Variants in COG5 observed in about 807,000 individuals in gnomAD.
The protein encoded by COG5 is conserved oligomeric Golgi complex subunit 5.
Under a neutral mutation model 110.4 loss-of-function variants are expected in COG5, and 86 were observed. The ratio of observed to expected loss-of-function variants is 0.78; its 90% CI spans 0.65 to 0.93. The LOEUF (loss-of-function observed/expected upper bound fraction) is 0.93. COG5 is among the 40% of genes least tolerant of loss of function. COG5 has a pLI of 0.00. For missense variants in COG5, 1,077 were observed against 987.0 expected (o/e 1.09, Z -1.22); for synonymous variants, 360 against 334.6 (o/e 1.08, Z -0.83).
intron 11 of COG5, among the ~76,000 whole-genome samples, chr7:107,303,062 T>G (rs1807407581): frequency 6.6e-6 from 1 of 152,144 alleles, no homozygotes; most frequent in Admixed American, 6.6e-5. Flanking sequence ...CAGAAGTAAA[T>G]ATTTCTTAAA....
intron 19 of COG5, 142 bp from the exon 20 acceptor site, chr7:107,211,367 AGCCTTGAGAC>A: frequency 1.1e-6 from 1 of 909,208 alleles, no homozygotes; most frequent in Non-Finnish European, 1.7e-6. Context: ...CACTCTATTC[AGCCTTGAGAC>A]GCCCACAAGC....
intron 6 of COG5, among the ~76,000 whole-genome samples, chr7:107,425,239 T>C (rs1369084572): frequency 6.6e-6 from 1 of 151,254 alleles, no homozygotes. Flanking sequence ...AATCCACTGA[T>C]AGAAGCCCTT....
intron 6 of COG5, among the ~76,000 whole-genome samples, chr7:107,523,090 C>G (rs1800452861): frequency 6.6e-6 from 1 of 152,166 alleles, no homozygotes; most frequent in African/African-American, 2.4e-5. Flanking sequence ...ATTCATAGAT[C>G]AAGTTGGGAA....
chr7:107,208,222 G>A (rs1483565190), intron 21 of COG5: 1 of 985,318 alleles, frequency 1.0e-6, no homozygotes, highest in Non-Finnish European at 1.2e-6. Context: ...TGAAGGTTCT[G>A]GAATCAGCCA....
chr7:107,353,419 C>T (rs1179205941), intron 10 of COG5, among the ~76,000 whole-genome samples: 49 of 115,826 alleles, frequency 4.2e-4, no homozygotes, highest in Admixed American at 3.9e-3. Context: ...AGCGAGACTC[C>T]GTCTCAAAAA....
At chr7:107,321,754 T>C (rs1809311446) in intron 11 of COG5, among the ~76,000 whole-genome samples, 1 of 152,192 alleles carries the variant, frequency 6.6e-6, no homozygotes, top group Admixed American at 6.5e-5. Context: ...AACTCAAACC[T>C]AGTAAAACTT....
chr7:107,506,865 T>C (rs558818366), intron 6 of COG5, among the ~76,000 whole-genome samples: 1 of 152,308 alleles, frequency 6.6e-6, no homozygotes, highest in Non-Finnish European at 1.5e-5. Flanking sequence ...TTCGAGGTTA[T>C]CATGAAATTC....
chr7:107,459,305 T>C (rs368381754), intron 6 of COG5, among the ~76,000 whole-genome samples: 1 of 152,128 alleles, frequency 6.6e-6, no homozygotes, highest in South Asian at 2.1e-4. Context: ...ATAGCTTTAC[T>C]GACAGGAGAA....
intron 11 of COG5, among the ~76,000 whole-genome samples, chr7:107,299,946 C>G (rs887712959): frequency 4.7e-5 from 7 of 149,028 alleles, no homozygotes; most frequent in Non-Finnish European, 1.0e-4. Context: ...TTCTTTAACT[C>G]CTAGGCTCAA....
chr7:107,252,247 C>G (rs999538665), intron 16 of COG5, among the ~76,000 whole-genome samples: 2 of 152,026 alleles, frequency 1.3e-5, no homozygotes, highest in African/African-American at 4.8e-5. Flanking sequence ...AAACCAACCA[C>G]AAAAGGATAG....
rs1805372246 is a variant in COG5, at chr7:107,283,661, A to G, written c.1385T>C (p.Leu462Pro). The G allele has an allele frequency of 6.2e-7, 1 of 1,613,774 alleles. No homozygotes were observed. The highest frequency in any genetic ancestry group is 1.7e-5 in the Admixed American group (1 of 59,996). ...AAYLSKSLSR[L>P]FDPINLVFPP... ...AAAAACCAAGTTGATAGGATCGAAG[A>G]GTCGAGATAAGGATTTTGATAGATA... is the stretch of plus-strand genomic sequence containing the variant. The change falls in exon 13 of 22, where the codon CTC becomes CCC. Residue 462 changes from leucine to proline, a missense_variant. By Grantham distance (98) the Leu-to-Pro change is moderately conservative. Transcript: ENST00000297135.
chr7:107,436,157 G>C (rs1212643661), intron 6 of COG5, among the ~76,000 whole-genome samples: 1 of 152,144 alleles, frequency 6.6e-6, no homozygotes. Context: ...GGAGAGGGAA[G>C]GATGAAGACA....
intron 21 of COG5, among the ~76,000 whole-genome samples, chr7:107,205,428 T>C (rs1215540145): frequency 6.6e-6 from 1 of 152,200 alleles, no homozygotes; most frequent in African/African-American, 2.4e-5. Context: ...GTTTCCATTT[T>C]TGTGTTACCA....
rs1325584238 is a variant in COG5, at chr7:107,249,707, T to TGTGC, written c.1750-1209_1750-1208insGCAC. Reference sequence around the variant, plus strand: ...GTACAGGATTGTGTGTGTGTGTGTGTGTGTGTGTGTGTGTGTGTGTGTGTG... The same window carrying TGTGC: ...GTACAGGATTGTGTGTGTGTGTGTGTGTGCGTGTGTGTGTGTGTGTGTGTGTGTG... On this transcript the variant is annotated intron_variant, in intron 16 of 21. Transcript: ENST00000297135. 4.7e-3 allele frequency among the ~76,000 whole-genome samples: 660 copies of TGTGC among 139,562 alleles called. 6 individuals are homozygous for TGTGC. Among genetic ancestry groups the TGTGC allele is most frequent in the African/African-American group, 0.015 (477 of 31,184 alleles). The allele number at this position is 139,562 out of a possible 152,430, so 91.6% of individuals were successfully genotyped here.
chr7:107,348,738 C>G (rs1029387648), intron 10 of COG5, among the ~76,000 whole-genome samples: 11 of 152,142 alleles, frequency 7.2e-5, no homozygotes, highest in Admixed American at 6.5e-4. Flanking sequence ...TTTTATGTGT[C>G]TCTGAACCAT....
At chr7:107,375,524 T>A (rs564045330) in intron 7 of COG5, among the ~76,000 whole-genome samples, 1 of 152,194 alleles carries the variant, frequency 6.6e-6, no homozygotes, top group South Asian at 2.1e-4. Flanking sequence ...ATTCAAATGA[T>A]CATTCCTTTA....
At chr7:107,513,333 C>A (rs2129145910) in intron 6 of COG5, among the ~76,000 whole-genome samples, 1 of 152,012 alleles carries the variant, frequency 6.6e-6, no homozygotes, top group African/African-American at 2.4e-5. Flanking sequence ...AAATGCAAAT[C>A]AAAACCACAA....
intron 10 of COG5, among the ~76,000 whole-genome samples, chr7:107,344,606 C>A (rs907984306): frequency 2.0e-5 from 3 of 152,196 alleles, no homozygotes; most frequent in African/African-American, 7.2e-5. Flanking sequence ...CTCACCACAA[C>A]CTCCACCTCC....
chr7:107,232,014 G>C (rs1001811605), intron 18 of COG5, among the ~76,000 whole-genome samples: 1 of 152,230 alleles, frequency 6.6e-6, no homozygotes, highest in Non-Finnish European at 1.5e-5. Context: ...GAGAGTTGGA[G>C]AAGCTTCCTT....
Sources: gnomAD v4.1 joint callset for allele counts (sites outside exome capture counted in the v4.1 genomes callset) on GRCh38, gnomAD v4.1.1 for gene constraint, MANE v1.5 for transcripts, NCBI Gene and HGNC (gene_info 2026-07-23, HGNC 2026-07-21) for gene names.